PAPPA2: variants seen among roughly 807,000 people sequenced by gnomAD.
The protein encoded by PAPPA2 is pappalysin 2, also known as pappalysin-2.
Under a neutral mutation model 176.4 loss-of-function variants are expected in PAPPA2, and 86 were observed. The observed-to-expected ratio is 0.49, with a 90% CI of 0.41 to 0.58. The LOEUF is 0.58. PAPPA2 is among the 20% of genes least tolerant of loss of function. The pLI is 0.00. For synonymous variants in PAPPA2, 809 were observed against 852.2 expected, an observed-to-expected ratio of 0.95 and a Z score of 0.88; for missense variants, 2,073 against 2,256.9, an observed-to-expected ratio of 0.92 and a Z score of 1.65.
intron 14 of PAPPA2, among the ~76,000 whole-genome samples, chr1:176,742,315 A>G (rs1346609910): frequency 6.6e-6 from 1 of 151,808 alleles, no homozygotes; most frequent in African/African-American, 2.4e-5. Context: ...AAAAAAAAAA[A>G]GTAGAAGTTA....
chr1:176,499,802 T>G (rs138545831), intron 1 of PAPPA2, among the ~76,000 whole-genome samples: 231 of 152,332 alleles, frequency 1.5e-3, no homozygotes, highest in African/African-American at 5.4e-3. Flanking sequence ...ATGGTTTAAT[T>G]TACTGGGTGG....
At chr1:176,813,096 C>T (rs559813165) in intron 21 of PAPPA2, among the ~76,000 whole-genome samples, 108 of 152,294 alleles carry the variant, frequency 7.1e-4, no homozygotes, top group African/African-American at 2.3e-3. Context: ...CCAACTCCAT[C>T]TGTGTCCCTG....
intron 14 of PAPPA2, among the ~76,000 whole-genome samples, chr1:176,745,000 A>G (rs1662842972): frequency 6.6e-6 from 1 of 152,218 alleles, no homozygotes; most frequent in African/African-American, 2.4e-5. Context: ...TTCTAATACC[A>G]GGTTGGAGTA....
At chr1:176,831,613 G>A (rs12136990) in intron 21 of PAPPA2, among the ~76,000 whole-genome samples, 9,995 of 152,256 alleles carry the variant, frequency 0.066, 381 homozygotes, top group Non-Finnish European at 0.086. Context: ...AGGAGAGACT[G>A]CATGGGGAAG....
At chr1:176,561,601 T>TA (rs1388400653) in intron 2 of PAPPA2, among the ~76,000 whole-genome samples, 1 of 152,190 alleles carries the variant, frequency 6.6e-6, no homozygotes, top group Non-Finnish European at 1.5e-5. Flanking sequence ...TTATTTTATT[T>TA]AAAAAAATCC....
chr1:176,606,140 A>G (rs894303688), intron 3 of PAPPA2, among the ~76,000 whole-genome samples: 2 of 151,840 alleles, frequency 1.3e-5, no homozygotes, highest in Non-Finnish European at 2.9e-5. Context: ...TATTTTATTT[A>G]ATGCTCACCA....
At chr1:176,554,554 T>C (rs1169492142) in intron 1 of PAPPA2, among the ~76,000 whole-genome samples, 3 of 152,212 alleles carry the variant, frequency 2.0e-5, no homozygotes, top group Non-Finnish European at 4.4e-5. Flanking sequence ...AATTATGACA[T>C]TTTCTTCCCC....
At chr1:176,698,986 T>C in intron 7 of PAPPA2, 114 bp from the exon 8 acceptor site, 1 of 1,357,168 alleles carries the variant, frequency 7.4e-7, no homozygotes, top group Non-Finnish European at 1.0e-6. Context: ...GACCAACTTC[T>C]ACAGGAATTC....
intron 10 of PAPPA2, among the ~76,000 whole-genome samples, chr1:176,706,814 C>T (rs939693240): frequency 6.6e-6 from 1 of 152,052 alleles, no homozygotes; most frequent in African/African-American, 2.4e-5. Flanking sequence ...AGGGTAACGC[C>T]AATATGTCAG....
At chr1:176,496,651 C>G (rs1454883827) in intron 1 of PAPPA2, among the ~76,000 whole-genome samples, 4 of 152,136 alleles carry the variant, frequency 2.6e-5, no homozygotes, top group African/African-American at 9.7e-5. Context: ...CTCATGAAGT[C>G]ATCTCAGAGA....
At chr1:176,702,570 G>C in intron 8 of PAPPA2, 37 bp from the exon 9 acceptor site, 1 of 1,608,998 alleles carries the variant, frequency 6.2e-7, no homozygotes, top group South Asian at 1.1e-5. Context: ...GCCTCACTTT[G>C]TGGCTGTAGT....
intron 21 of PAPPA2, among the ~76,000 whole-genome samples, chr1:176,822,477 A>G (rs142973013): frequency 6.6e-6 from 1 of 152,318 alleles, no homozygotes; most frequent in African/African-American, 2.4e-5. Flanking sequence ...AATTTGATTG[A>G]TTTTTGTATA....
At chr1:176,534,651 A>C (rs928162901) in intron 1 of PAPPA2, among the ~76,000 whole-genome samples, 4 of 152,216 alleles carry the variant, frequency 2.6e-5, no homozygotes, top group Admixed American at 1.3e-4. Flanking sequence ...GCTAGTCTGA[A>C]TGGAGTATAT....
chr1:176,692,548 G>T (rs956351849), intron 6 of PAPPA2, among the ~76,000 whole-genome samples: 1 of 152,206 alleles, frequency 6.6e-6, no homozygotes, highest in African/African-American at 2.4e-5. Flanking sequence ...CCTCAGGGAG[G>T]CCTGGAGAGC....
intron 21 of PAPPA2, among the ~76,000 whole-genome samples, chr1:176,820,944 G>C (rs546180177): frequency 1.2e-4 from 19 of 152,168 alleles, no homozygotes; most frequent in South Asian, 6.2e-4. Context: ...AGAAACAAAG[G>C]CTCCAAATTC....
At chr1:176,810,523 A>C (rs538166490) in intron 21 of PAPPA2, among the ~76,000 whole-genome samples, 1 of 152,280 alleles carries the variant, frequency 6.6e-6, no homozygotes, top group South Asian at 2.1e-4. Context: ...TCGTGCTCCT[A>C]TGAGAATCTA....
Position 176,666,402 on chromosome 1 carries a change from G to GA in PAPPA2, c.1992-4561dup, listed in dbSNP as rs1418703536. Among the ~76,000 whole-genome samples the GA allele has an allele frequency of 4.6e-5, 7 of 151,952 alleles. No individual in the cohort carries two copies. The East Asian group carries it at 1.4e-3, about 29-fold the overall frequency. ...TTATAATGGGATTAGGAGGTACATG[G>GA]AAAAAAAGTGAATGGGAGATGAAAA... On this transcript the variant is annotated intron_variant, in intron 3 of 22. Coordinates refer to ENST00000367662, the MANE Select transcript of PAPPA2 (RefSeq NM_020318.3).
intron 3 of PAPPA2, among the ~76,000 whole-genome samples, chr1:176,622,904 G>A (rs531424570): frequency 3.3e-5 from 5 of 152,144 alleles, no homozygotes; most frequent in South Asian, 2.1e-4. Flanking sequence ...AAGTGCCAGC[G>A]AATTCAGTGT....
rs147812021 is a variant in PAPPA2, at chr1:176,667,234, A to G, written c.1992-3736A>G. The stretch of plus-strand genomic sequence containing the variant: ...GAACTCCAGCTTGGGCCACAAAAGC[A>G]AAACTCGGTCTCAAAAAAAAAAAGA... On this transcript the variant is annotated intron_variant, in intron 3 of 22. Coordinates refer to ENST00000367662, the MANE Select transcript of PAPPA2 (RefSeq NM_020318.3). Among the ~76,000 whole-genome samples the G allele has an allele frequency of 3.0e-3, 453 of 151,850 alleles. 5 individuals are homozygous for G. Among genetic ancestry groups the G allele is most frequent in the African/African-American group, 0.011 (438 of 41,418 alleles).
Sources: gnomAD v4.1 joint callset for allele counts (sites outside exome capture counted in the v4.1 genomes callset) on GRCh38, gnomAD v4.1.1 for gene constraint, MANE v1.5 for transcripts, NCBI Gene and HGNC (gene_info 2026-07-23, HGNC 2026-07-21) for gene names.